The following PTPRG variants were observed in gnomAD, a reference collection of about 807,000 sequenced individuals.
PTPRG encodes the protein protein tyrosine phosphatase receptor type G.
PTPRG carries 102 observed loss-of-function variants against 165.3 expected under a neutral mutation model. That is an observed-to-expected ratio of 0.62 (90% CI 0.53 to 0.73). The LOEUF (loss-of-function observed/expected upper bound fraction) is 0.73, where lower values mean the gene tolerates loss of function less well. Among genes scored for constraint, PTPRG ranks in the 30% least tolerant of loss-of-function variants. The pLI, the probability that PTPRG is intolerant of heterozygous loss-of-function variation, is 0.00. For synonymous variants in PTPRG, 675 were observed against 669.5 expected (o/e 1.01, Z -0.13); for missense variants, 1,866 against 1,861.4 (o/e 1.00, Z -0.05).
chr3:61,748,979 T>C lies in PTPRG; in HGVS notation c.187T>C (p.Ser63Pro), dbSNP rs1190039714. 1 of 1,610,058 alleles carries C rather than the reference T, an allele frequency of 6.2e-7. No individual in the cohort carries two copies. Among genetic ancestry groups the C allele is most frequent in the South Asian group, 1.1e-5 (1 of 90,586 alleles). The change falls in exon 2 of 30, where the codon TCT becomes CCT. Residue 63 changes from serine to proline, a missense_variant. By Grantham distance (74) the Ser-to-Pro change is moderately conservative. Coordinates refer to ENST00000474889, the MANE Select transcript of PTPRG (RefSeq NM_002841.4). ...TTCAGGCGACCCGTACTGGGCCTAC[T>C]CTGGTAAGTCCAGTTGTTCTAATGG... ...KASGDPYWAY[S>P]GAYGPEHWVT...
chr3:61,609,478 G>A (rs1575535299), intron 1 of PTPRG, among the ~76,000 whole-genome samples: 1 of 152,304 alleles, frequency 6.6e-6, no homozygotes, highest in Middle Eastern at 3.4e-3. Flanking sequence ...GTTCTTAAGA[G>A]TAGTACAAAC....
intron 4 of PTPRG, among the ~76,000 whole-genome samples, chr3:62,043,143 C>T (rs17818321): frequency 0.1 from 15,783 of 152,160 alleles, 901 homozygotes; most frequent in African/African-American, 0.14. Context: ...AACTCATTTT[C>T]CTGTGCTGTT....
intron 3 of PTPRG, among the ~76,000 whole-genome samples, chr3:62,001,408 G>T (rs1448983319): frequency 6.6e-6 from 1 of 152,128 alleles, no homozygotes; most frequent in Non-Finnish European, 1.5e-5. Context: ...TGGGTGTATT[G>T]TAACAGATGC....
At chr3:61,633,796 A>G (rs1701830103) in intron 1 of PTPRG, among the ~76,000 whole-genome samples, 1 of 152,092 alleles carries the variant, frequency 6.6e-6, no homozygotes, top group South Asian at 2.1e-4. Flanking sequence ...GAGGAAAAAT[A>G]TATAGTCTTT....
chr3:61,677,621 T>C (rs573100957), intron 1 of PTPRG, among the ~76,000 whole-genome samples: 1 of 152,294 alleles, frequency 6.6e-6, no homozygotes, highest in South Asian at 2.1e-4. Context: ...GCCCATTGCT[T>C]ATGTGTCTAA....
intron 14 of PTPRG, among the ~76,000 whole-genome samples, chr3:62,239,512 G>T (rs1208238795): frequency 6.6e-6 from 1 of 151,722 alleles, no homozygotes; most frequent in Non-Finnish European, 1.5e-5. Context: ...TGGAACTACA[G>T]GCACGTGCCA....
chr3:61,950,249 T>G (rs981436700), intron 2 of PTPRG, among the ~76,000 whole-genome samples: 1 of 152,210 alleles, frequency 6.6e-6, no homozygotes. Flanking sequence ...CTCTCCCCCA[T>G]CTGACTTTCT....
intron 4 of PTPRG, among the ~76,000 whole-genome samples, chr3:62,028,974 A>C (rs891208684): frequency 6.6e-6 from 1 of 152,198 alleles, no homozygotes; most frequent in Non-Finnish European, 1.5e-5. Context: ...TCATTGGTCC[A>C]TCTTGGGTCA....
At chr3:62,044,091 C>T (rs918672989) in intron 4 of PTPRG, among the ~76,000 whole-genome samples, 6 of 152,224 alleles carry the variant, frequency 3.9e-5, no homozygotes, top group Non-Finnish European at 8.8e-5. Flanking sequence ...CAGAACCTTT[C>T]CTGTATACTG....
chr3:61,699,918 G>A (rs1221626495), intron 1 of PTPRG, among the ~76,000 whole-genome samples: 2 of 152,200 alleles, frequency 1.3e-5, no homozygotes, highest in Admixed American at 6.5e-5. Flanking sequence ...CTCAACCTCA[G>A]AGTGGCTGCT....
At chr3:61,786,241 A>C (rs2034698096) in intron 2 of PTPRG, among the ~76,000 whole-genome samples, 1 of 152,224 alleles carries the variant, frequency 6.6e-6, no homozygotes, top group Non-Finnish European at 1.5e-5. Context: ...TGCATTGGCC[A>C]ATGGACACTT....
intron 5 of PTPRG, among the ~76,000 whole-genome samples, chr3:62,092,007 C>T (rs536219288): frequency 6.6e-6 from 1 of 150,842 alleles, no homozygotes; most frequent in East Asian, 2.0e-4. Context: ...AGCTGCTGTT[C>T]ACAGAACTGA....
chr3:61,608,176 A>T (rs995122804), intron 1 of PTPRG, among the ~76,000 whole-genome samples: 7 of 84,752 alleles, frequency 8.3e-5, no homozygotes, highest in African/African-American at 2.0e-4. Context: ...ATCCATTTCT[A>T]TCTTCCTTCT....
chr3:61,679,589 A>T (rs1166479225), intron 1 of PTPRG, among the ~76,000 whole-genome samples: 1 of 152,084 alleles, frequency 6.6e-6, no homozygotes, highest in Non-Finnish European at 1.5e-5. Flanking sequence ...GTTTGAGAAC[A>T]GCCACCACAG....
rs181635009 is a variant in PTPRG, at chr3:61,947,387, C to T, written c.191-42238C>T. Among the ~76,000 whole-genome samples, 4 of 152,306 alleles carry T rather than the reference C, an allele frequency of 2.6e-5. No individual in the cohort carries two copies. The East Asian group carries it at 7.7e-4, about 29-fold the overall frequency. On this transcript the variant is annotated intron_variant, in intron 2 of 29. Transcript: ENST00000474889. ...ACGTGACATAAGGAAGGGTTCATTT[C>T]AGCAGCAATGGTTCTGACCGGTGCC...
intron 2 of PTPRG, among the ~76,000 whole-genome samples, chr3:61,874,976 G>A (rs1029727451): frequency 6.6e-6 from 1 of 152,190 alleles, no homozygotes; most frequent in African/African-American, 2.4e-5. Flanking sequence ...GTCCCACGTA[G>A]TCTACAACTC....
chr3:62,207,923 C>G (rs1700268931), intron 12 of PTPRG, among the ~76,000 whole-genome samples: 1 of 152,220 alleles, frequency 6.6e-6, no homozygotes, highest in African/African-American at 2.4e-5. Context: ...AGGGCCATCT[C>G]ACTCAGCTCC....
intron 1 of PTPRG, among the ~76,000 whole-genome samples, chr3:61,638,257 T>C (rs1215397949): frequency 6.7e-6 from 1 of 149,256 alleles, no homozygotes; most frequent in Admixed American, 6.8e-5. Flanking sequence ...TAGAAGGATA[T>C]TTAATATTTG....
chr3:62,197,133 A>C (rs1699985215), intron 10 of PTPRG, among the ~76,000 whole-genome samples: 1 of 152,110 alleles, frequency 6.6e-6, no homozygotes, highest in Admixed American at 6.5e-5. Flanking sequence ...CAACTTTGAG[A>C]ATGTTTCTTA....
Sources: allele counts gnomAD v4.1 joint callset (sites outside exome capture counted in the v4.1 genomes callset), GRCh38; gene constraint gnomAD v4.1.1; transcripts MANE v1.5; gene names NCBI Gene and HGNC (gene_info 2026-07-23, HGNC 2026-07-21).